The following RAB8B variants were observed in gnomAD, a reference collection of about 807,000 sequenced individuals.
RAB8B encodes the protein ras-related protein Rab-8B.
Under a neutral mutation model 32.0 loss-of-function variants are expected in RAB8B, and 11 were observed. The observed-to-expected ratio is 0.34, with a 90% confidence interval of 0.22 to 0.57. The LOEUF is 0.57. Ranked by LOEUF, RAB8B falls within the 20% of genes least tolerant of loss-of-function variation. The probability of loss-of-function intolerance (pLI) is 0.86; values close to 1 mark genes in which losing one functional copy is unlikely to be tolerated. For synonymous variants in RAB8B, 103 were observed against 89.6 expected, an observed-to-expected ratio of 1.15 and a Z score of -0.85; for missense variants, 190 against 258.5, an observed-to-expected ratio of 0.73 and a Z score of 1.82.
At chr15:63,225,511 A>G (rs1165680469) in intron 1 of RAB8B, among the ~76,000 whole-genome samples, 1 of 152,212 alleles carries the variant, frequency 6.6e-6, no homozygotes, top group Non-Finnish European at 1.5e-5. Flanking sequence ...GGTGATAAAT[A>G]TATACTTGCT....
intron 1 of RAB8B, among the ~76,000 whole-genome samples, chr15:63,206,133 G>A (rs1354882816): frequency 6.6e-6 from 1 of 152,080 alleles, no homozygotes; most frequent in South Asian, 2.1e-4. Context: ...ACATACATAC[G>A]TTTCAAAGGA....
intron 1 of RAB8B, among the ~76,000 whole-genome samples, chr15:63,219,350 C>G (rs1413794606): frequency 1.3e-5 from 2 of 151,072 alleles, no homozygotes; most frequent in African/African-American, 4.9e-5. Context: ...AGAATGTGAC[C>G]TTTACTTGAC....
chr15:63,251,236 T>G lies in RAB8B; in HGVS notation c.246+1531T>G, dbSNP rs1043539008. The G allele has an allele frequency of 3.3e-5, 15 of 455,500 alleles. No homozygotes were observed. In the East Asian group the frequency reaches 7.6e-4, roughly 23 times the overall value. 28.2% of individuals were successfully genotyped at this position (455,500 alleles called of 1,614,324 possible). On this transcript the variant is annotated intron_variant, in intron 3 of 7. Transcript: ENST00000321437. ...CTGGAATCAAAGGGAAGGGGCTTATTATATGTGCCAGGAAGACATTTGTTT... is the reference window on the plus strand; with the variant it reads ...CTGGAATCAAAGGGAAGGGGCTTATGATATGTGCCAGGAAGACATTTGTTT...
intron 1 of RAB8B, among the ~76,000 whole-genome samples, chr15:63,193,916 T>A (rs2037579754): frequency 6.6e-6 from 1 of 152,214 alleles, no homozygotes; most frequent in Admixed American, 6.5e-5. Flanking sequence ...AGATTATATT[T>A]CCTCTGGGAA....
chr15:63,201,073 T>C (rs914094019), intron 1 of RAB8B, among the ~76,000 whole-genome samples: 2 of 151,860 alleles, frequency 1.3e-5, no homozygotes, highest in Admixed American at 6.6e-5. Flanking sequence ...GCTTTTGAAG[T>C]TGGGGGTGGG....
intron 1 of RAB8B, among the ~76,000 whole-genome samples, chr15:63,220,238 C>T (rs1324086242): frequency 2.0e-5 from 3 of 152,162 alleles, no homozygotes; most frequent in Non-Finnish European, 4.4e-5. Flanking sequence ...CAGAACCTTT[C>T]GTTCTATTTC....
At position 63,216,295 on chromosome 15, in the gene RAB8B, C is replaced by G. The variant is rs112897350; in HGVS notation, c.124+26547C>G. ...CCCCACTGGAGTGCAGCGGCACAAT[C>G]TTGGCTCACTGCAACCTCCGCCTCC... On this transcript the variant is annotated intron_variant, in intron 1 of 7. Transcript: ENST00000321437. 4.3e-3 allele frequency among the ~76,000 whole-genome samples: 632 copies of G among 147,706 alleles called. 8 individuals are homozygous for G. The highest frequency in any genetic ancestry group is 0.014 in the African/African-American group (566 of 40,322).
chr15:63,253,882 T>A (rs2038138223), intron 3 of RAB8B, among the ~76,000 whole-genome samples: 1 of 152,158 alleles, frequency 6.6e-6, no homozygotes, highest in African/African-American at 2.4e-5. Context: ...CTGGGTTGTA[T>A]TACTTTCACC....
chr15:63,238,404 GCA>G (rs904477772), intron 1 of RAB8B, among the ~76,000 whole-genome samples: 7 of 152,066 alleles, frequency 4.6e-5, no homozygotes, highest in Non-Finnish European at 7.4e-5. Flanking sequence ...TCACAGTTCA[GCA>G]CAGAGATGTT....
At chr15:63,255,643 G>A (rs2038153135) in intron 4 of RAB8B, 59 bp downstream of exon 4, 7 of 1,402,996 alleles carry the variant, frequency 5.0e-6, no homozygotes, top group Non-Finnish European at 2.0e-6. Context: ...GCTTGTAAAA[G>A]GCTCCTCTGT....
Position 63,263,766 on chromosome 15 carries a change from G to A in RAB8B, c.*147G>A, listed in dbSNP as rs2038220954. 1 of 558,146 alleles carries A rather than the reference G, an allele frequency of 1.8e-6. No homozygotes were observed. The highest frequency in any genetic ancestry group is 3.1e-6 in the Non-Finnish European group (1 of 318,274). 34.6% of individuals were successfully genotyped at this position (558,146 alleles called of 1,614,324 possible). On this transcript the variant is annotated 3_prime_UTR_variant, in exon 8 of 8. Coordinates refer to ENST00000321437, the MANE Select transcript of RAB8B (RefSeq NM_016530.3). ...GACCTCTCAACACAGTATGCCAAGT[G>A]GATTCCAGCCTCATGGCCTAGCAAA...
chr15:63,239,339 A>G (rs1448841046), intron 1 of RAB8B, among the ~76,000 whole-genome samples: 1 of 150,834 alleles, frequency 6.6e-6, no homozygotes, highest in Non-Finnish European at 1.5e-5. Flanking sequence ...ATGTGTCTTC[A>G]TTTTCTTATT....
intron 6 of RAB8B, among the ~76,000 whole-genome samples, chr15:63,260,887 C>T (rs529951571): frequency 7.9e-5 from 12 of 152,062 alleles, no homozygotes; most frequent in African/African-American, 2.4e-4. Flanking sequence ...GGTTAAAAAT[C>T]GAGACCTACA....
intron 1 of RAB8B, among the ~76,000 whole-genome samples, chr15:63,218,784 A>G (rs537458909): frequency 6.6e-6 from 1 of 152,300 alleles, no homozygotes; most frequent in Admixed American, 6.5e-5. Flanking sequence ...TTGCTCAAGC[A>G]GTATTTCCAT....
intron 1 of RAB8B, among the ~76,000 whole-genome samples, chr15:63,190,987 A>C (rs1247557814): frequency 2.0e-5 from 3 of 152,228 alleles, no homozygotes; most frequent in African/African-American, 4.8e-5. Flanking sequence ...TTCAGGTAAT[A>C]AGATCTCTTA....
intron 1 of RAB8B, among the ~76,000 whole-genome samples, chr15:63,226,099 C>T (rs2037887254): frequency 1.3e-5 from 2 of 152,212 alleles, no homozygotes; most frequent in Non-Finnish European, 2.9e-5. Flanking sequence ...CTATGCCTCC[C>T]AAAGTGCTGG....
rs1309598138 is a variant in RAB8B, at chr15:63,266,645, G to A, written c.*3026G>A. On this transcript the variant is annotated 3_prime_UTR_variant, in exon 8 of 8. Transcript: ENST00000321437. ...TGTTTTGAACTGAAGACATCATTGG[G>A]AAAGGTAGGAAATATTAGTTTAGGA... 1 of 152,542 alleles carries A rather than the reference G, an allele frequency of 6.6e-6. No homozygotes were observed. Among genetic ancestry groups the A allele is most frequent in the Admixed American group, 6.5e-5 (1 of 15,274 alleles). 9.4% of individuals were successfully genotyped at this position (152,542 alleles called of 1,614,324 possible). A position where few individuals can be genotyped will look rare whatever the true frequency, so the allele number is the denominator to read the frequency against.
chr15:63,198,040 A>C (rs1313267039), intron 1 of RAB8B, among the ~76,000 whole-genome samples: 4 of 152,108 alleles, frequency 2.6e-5, no homozygotes, highest in Admixed American at 6.5e-5. Flanking sequence ...TCCTATGTTC[A>C]GTTTTGTGTT....
chr15:63,220,582 T>G lies in RAB8B; in HGVS notation c.125-24174T>G, dbSNP rs116776338. On this transcript the variant is annotated intron_variant, in intron 1 of 7. Coordinates refer to ENST00000321437, the MANE Select transcript of RAB8B (RefSeq NM_016530.3). ...GGTATTTTTTGAAACTTTCAGTGGT[T>G]TCATATTTTAGTGTTTTTTGTGTTT... Among the ~76,000 whole-genome samples the G allele has an allele frequency of 5.6e-3, 848 of 152,314 alleles. 7 individuals carry two copies. Among genetic ancestry groups the G allele is most frequent in the African/African-American group, 0.018 (758 of 41,566 alleles).
Sources: allele counts gnomAD v4.1 joint callset (sites outside exome capture counted in the v4.1 genomes callset), GRCh38; gene constraint gnomAD v4.1.1; transcripts MANE v1.5; gene names NCBI Gene and HGNC (gene_info 2026-07-23, HGNC 2026-07-21).